PLEKHH2: variants seen among roughly 807,000 people sequenced by gnomAD.
PLEKHH2 encodes pleckstrin homology, MyTH4 and FERM domain containing H2.
A neutral mutation model predicts 187.9 loss-of-function variants in PLEKHH2; 129 were observed. That is an observed-to-expected ratio of 0.69 (90% CI 0.59 to 0.79). The LOEUF is 0.79. PLEKHH2 is among the 30% of genes least tolerant of loss of function. The probability of loss-of-function intolerance (pLI) is 0.00; values close to 1 mark genes in which losing one functional copy is unlikely to be tolerated. For synonymous variants in PLEKHH2, 686 were observed against 605.6 expected (o/e 1.13, Z -1.95); for missense variants, 2,076 against 1,751.2 (o/e 1.19, Z -3.31).
intron 15 of PLEKHH2, among the ~76,000 whole-genome samples, chr2:43,717,859 T>C (rs1054040402): frequency 6.6e-6 from 1 of 152,224 alleles, no homozygotes; most frequent in South Asian, 2.1e-4. Context: ...AACATATAAA[T>C]TGTGTTAGAA....
chr2:43,751,564 G>A (rs1672010043), intron 24 of PLEKHH2, among the ~76,000 whole-genome samples: 2 of 152,332 alleles, frequency 1.3e-5, no homozygotes, highest in Middle Eastern at 3.4e-3. Flanking sequence ...GGTCCACAGT[G>A]ACGCAATTTC....
rs146134487 is a variant in PLEKHH2 at position 43,644,719 on chromosome 2, C to T, written c.46C>T (p.Arg16Ter). ...AGAGGGACCAGTAGATTGGAAGGAACGATGTGTAGCTCTGGAGTCCCAACT... is the reference window on the plus strand; with the variant it reads ...AGAGGGACCAGTAGATTGGAAGGAATGATGTGTAGCTCTGGAGTCCCAACT... Reference protein sequence around the residue: ...EPEGPVDWKERCVALESQLMK... With the variant: ...EPEGPVDWKE The change falls in exon 2 of 30, where the codon CGA becomes TGA. Residue 16 changes from arginine to a stop codon, truncating the protein, a stop_gained. Coordinates refer to ENST00000282406, the MANE Select transcript of PLEKHH2 (RefSeq NM_172069.4). LOFTEE classifies it high-confidence loss of function. 2.0e-5 allele frequency: 32 copies of T among 1,607,724 alleles called. No homozygotes were observed. Among genetic ancestry groups the T allele is most frequent in the Non-Finnish European group, 2.3e-5 (27 of 1,175,658 alleles).
Position 43,743,947 on chromosome 2 carries a change from T to C in PLEKHH2, c.3513T>C (p.Pro1171=), listed in dbSNP as rs137993292. 458 of 1,614,128 alleles carry C rather than the reference T, an allele frequency of 2.8e-4. No individual in the cohort carries two copies. The African/African-American group carries it at 5.5e-3, about 19-fold the overall frequency. Residue 1171 remains proline (P), a synonymous_variant, in exon 23 of 30, where the codon CCT becomes CCC. Coordinates refer to ENST00000282406, the MANE Select transcript of PLEKHH2 (RefSeq NM_172069.4). ...GATTTGCGTTGTTCACTGACGATCCTTCTGGCAGAGATTTAGAGCATTGTC... is the reference window on the plus strand; with the variant it reads ...GATTTGCGTTGTTCACTGACGATCCCTCTGGCAGAGATTTAGAGCATTGTC... ...QSGFALFTDD[P]SGRDLEHCLQ...
intron 2 of PLEKHH2, among the ~76,000 whole-genome samples, chr2:43,658,430 A>T (rs898509247): frequency 2.6e-5 from 4 of 152,254 alleles, no homozygotes; most frequent in African/African-American, 9.6e-5. Context: ...ATGGCTTAAA[A>T]CAACTATAAG....
chr2:43,697,787 A>G (rs1297359333), intron 7 of PLEKHH2, among the ~76,000 whole-genome samples: 7 of 152,142 alleles, frequency 4.6e-5, no homozygotes, highest in Non-Finnish European at 1.5e-5. Context: ...TTACACATGA[A>G]ATTAAACATT....
chr2:43,676,367 G>A (rs115406269), intron 2 of PLEKHH2: 1 of 1,493,654 alleles, frequency 6.7e-7, no homozygotes, highest in Non-Finnish European at 9.0e-7. Flanking sequence ...GGCAGCCTGG[G>A]ACCGGGTCCT....
chr2:43,657,377 G>A (rs965366370), intron 2 of PLEKHH2, among the ~76,000 whole-genome samples: 1 of 152,150 alleles, frequency 6.6e-6, no homozygotes, highest in Non-Finnish European at 1.5e-5. Context: ...AGCTGGGAGT[G>A]GTGAAACAAC....
chr2:43,674,580 C>T (rs536201223), intron 2 of PLEKHH2, among the ~76,000 whole-genome samples: 9 of 152,306 alleles, frequency 5.9e-5, no homozygotes, highest in African/African-American at 2.2e-4. Context: ...GAAATATTTT[C>T]ACAGAAATTA....
At chr2:43,681,028 GCCAACTGGAATT>G in intron 3 of PLEKHH2, 1 of 1,275,650 alleles carries the variant, frequency 7.8e-7, no homozygotes, top group South Asian at 1.5e-5. Flanking sequence ...CCCTCAGAAT[GCCAACTGGAATT>G]CCTTCCTGTA....
At chr2:43,685,701 C>A (rs1668471947) in intron 3 of PLEKHH2, among the ~76,000 whole-genome samples, 1 of 151,916 alleles carries the variant, frequency 6.6e-6, no homozygotes. Context: ...CTCAGCCTTC[C>A]AAAGTGCTGG....
chr2:43,667,899 A>G (rs889609461), intron 2 of PLEKHH2, among the ~76,000 whole-genome samples: 1 of 152,068 alleles, frequency 6.6e-6, no homozygotes, highest in African/African-American at 2.4e-5. Flanking sequence ...ATAGTAAAAA[A>G]AAACGCTGAA....
At chr2:43,681,452 T>C in intron 3 of PLEKHH2, 1 of 1,545,856 alleles carries the variant, frequency 6.5e-7, no homozygotes, top group Non-Finnish European at 8.7e-7. Context: ...AATAATCTTC[T>C]TCCTCTTCCT....
chr2:43,676,406 C>A, intron 2 of PLEKHH2: 2 of 1,157,290 alleles, frequency 1.7e-6, no homozygotes, highest in Non-Finnish European at 2.4e-6. Context: ...GAGCTGGCGG[C>A]TGCGCTCCCG....
rs562487453 is a variant in PLEKHH2 at position 43,710,162 on chromosome 2, T to G, written c.2103+36T>G. 6 of 1,611,030 alleles carry G rather than the reference T, an allele frequency of 3.7e-6. No individual in the cohort carries two copies. The South Asian group carries it at 6.6e-5, about 18-fold the overall frequency. On this transcript the variant is annotated intron_variant, in intron 12 of 29. Transcript: ENST00000282406. ...AATATGATTTTTAAAAAGCAGTCAG[T>G]CAGATTGAGCCTCCAAAAGGAAACT...
intron 4 of PLEKHH2, 117 bp from the exon 5 acceptor site, chr2:43,694,314 C>A: frequency 8.5e-7 from 1 of 1,181,370 alleles, no homozygotes; most frequent in South Asian, 1.6e-5. Context: ...AATTTGAAAG[C>A]AGATATAGTA....
At chr2:43,754,194 AC>A (rs1378609867) in intron 25 of PLEKHH2, among the ~76,000 whole-genome samples, 1,888 of 124,150 alleles carry the variant, frequency 0.015, 57 homozygotes, top group African/African-American at 0.06. Flanking sequence ...ACACACACAC[AC>A]ACACACACAC....
At chr2:43,681,594 C>G in intron 3 of PLEKHH2, 1 of 793,432 alleles carries the variant, frequency 1.3e-6, no homozygotes, top group African/African-American at 1.7e-5. Flanking sequence ...ACTAGTGCCT[C>G]TTTTTGGAGC....
At chr2:43,695,040 C>G (rs1186205642) in intron 5 of PLEKHH2, 103 bp from the exon 6 acceptor site, 10 of 548,270 alleles carry the variant, frequency 1.8e-5, no homozygotes, top group Non-Finnish European at 2.6e-5. Context: ...TTTGCTTACA[C>G]ATGTAGAGAA....
intron 19 of PLEKHH2, 113 bp from the exon 20 acceptor site, chr2:43,738,228 C>A (rs761750280): frequency 7.0e-6 from 6 of 862,422 alleles, no homozygotes; most frequent in Non-Finnish European, 8.5e-6. Context: ...CATAATATAT[C>A]CTTTTCCATC....
Sources: allele counts gnomAD v4.1 joint callset (sites outside exome capture counted in the v4.1 genomes callset), GRCh38; gene constraint gnomAD v4.1.1; transcripts MANE v1.5; gene names NCBI Gene and HGNC (gene_info 2026-07-23, HGNC 2026-07-21).